The following ENTPD5 variants were observed in gnomAD, a reference collection of about 807,000 sequenced individuals.
ENTPD5 encodes ectonucleoside triphosphate diphosphohydrolase 5 (inactive).
A neutral mutation model predicts 60.2 loss-of-function variants in ENTPD5; 49 were observed. The observed-to-expected ratio is 0.81, with a 90% CI of 0.65 to 1.03. The LOEUF (loss-of-function observed/expected upper bound fraction) is 1.03, where lower values mean the gene tolerates loss of function less well. Ranked by LOEUF, ENTPD5 falls within the 50% of genes least tolerant of loss-of-function variation. The pLI, the probability that ENTPD5 is intolerant of heterozygous loss-of-function variation, is 0.00. For synonymous variants in ENTPD5, 187 were observed against 185.4 expected (o/e 1.01, Z -0.07); for missense variants, 480 against 507.6 (o/e 0.95, Z 0.52).
intron 15 of ENTPD5, among the ~76,000 whole-genome samples, chr14:73,968,941 T>C (rs1424272823): frequency 6.6e-6 from 1 of 152,126 alleles, no homozygotes; most frequent in Non-Finnish European, 1.5e-5. Flanking sequence ...AGACCTAAGA[T>C]TCAAGAGGCA....
At chr14:73,977,165 A>G in intron 7 of ENTPD5, 106 bp from the exon 8 acceptor site, 1 of 1,270,002 alleles carries the variant, frequency 7.9e-7, no homozygotes, top group Admixed American at 1.9e-5. Flanking sequence ...TCTAGAGCAC[A>G]TGTTCCCTTC....
intron 6 of ENTPD5, among the ~76,000 whole-genome samples, chr14:73,980,325 C>T (rs1236641512): frequency 2.6e-5 from 4 of 151,042 alleles, no homozygotes; most frequent in Non-Finnish European, 5.9e-5. Context: ...AGTGCAGTGG[C>T]GTGATCTCGG....
chr14:73,989,614 A>G (rs1304623935), intron 3 of ENTPD5, among the ~76,000 whole-genome samples: 1 of 151,988 alleles, frequency 6.6e-6, no homozygotes, highest in African/African-American at 2.4e-5. Context: ...CAGGCGGATC[A>G]CCTGAGGTCA....
At chr14:73,996,535 G>A (rs1315660433) in intron 3 of ENTPD5, 1 of 151,264 alleles carries the variant, frequency 6.6e-6, no homozygotes, top group Non-Finnish European at 1.5e-5. Context: ...TTAGAAACCT[G>A]GGCATTCACC....
At chr14:73,973,856 C>A in intron 12 of ENTPD5, 21 bp downstream of exon 12, 2 of 1,597,232 alleles carry the variant, frequency 1.3e-6, no homozygotes, top group East Asian at 4.5e-5. Context: ...TAACTTTAAC[C>A]AGTGAAAAAA....
intron 14 of ENTPD5, among the ~76,000 whole-genome samples, chr14:73,970,723 T>C (rs952084645): frequency 1.3e-5 from 2 of 152,216 alleles, no homozygotes; most frequent in African/African-American, 4.8e-5. Flanking sequence ...CCTTATCTAT[T>C]ATTAATGGTG....
At chr14:73,973,164 A>G in intron 12 of ENTPD5, 140 bp from the exon 13 acceptor site, 9 of 1,009,204 alleles carry the variant, frequency 8.9e-6, no homozygotes, top group South Asian at 1.6e-5. Flanking sequence ...TTGGGACAAG[A>G]GGCGTCAAAA....
chr14:73,978,681 C>G (rs372730953), intron 6 of ENTPD5, among the ~76,000 whole-genome samples: 1 of 151,868 alleles, frequency 6.6e-6, no homozygotes, highest in African/African-American at 2.4e-5. Flanking sequence ...AGCCAAAGTG[C>G]GGGCGGATCA....
Position 73,983,692 on chromosome 14 carries a change from TTA to T in ENTPD5, c.298-533_298-532del, listed in dbSNP as rs200345552. On this transcript the variant is annotated intron_variant, in intron 5 of 15. Transcript: ENST00000334696. ...TAATAAAAAATTATTATTATTATTA[TTA>T]TTTTTTTTGGGACATTCTTGCTCTG... Among the ~76,000 whole-genome samples the T allele has an allele frequency of 9.7e-4, 43 of 44,384 alleles. No homozygotes were observed. The East Asian group carries it at 0.012, about 12-fold the overall frequency. The allele number at this position is 44,384 out of a possible 152,430, so 29.1% of individuals were successfully genotyped here.
chr14:74,017,381 G>A (rs962048988), intron 1 of ENTPD5, among the ~76,000 whole-genome samples: 2 of 148,436 alleles, frequency 1.3e-5, no homozygotes, highest in Non-Finnish European at 3.0e-5. Flanking sequence ...TAAGGTTTAC[G>A]CCAGCCTGAC....
rs768011127 is a variant in ENTPD5, at chr14:73,975,001, T to C, written c.723-16A>G. On this transcript the variant is annotated splice_polypyrimidine_tract_variant and intron_variant, in intron 10 of 15. Transcript: ENST00000334696. ...TCCCAGGTAACTGTAAAATACAGGATTGACTAATTTCATGCTGGTCCTGAA... is the reference window on the plus strand; with the variant it reads ...TCCCAGGTAACTGTAAAATACAGGACTGACTAATTTCATGCTGGTCCTGAA... 9 of 1,598,828 alleles carry C rather than the reference T, an allele frequency of 5.6e-6. No individual in the cohort carries two copies. In the Admixed American group the frequency reaches 1.2e-4, roughly 21 times the overall value.
chr14:73,959,672 C>T (rs145747095), downstream of ENTPD5: 102,135 of 1,411,714 alleles, frequency 0.072, 6,080 homozygotes, highest in South Asian at 0.26. Flanking sequence ...CGGGTTCAAG[C>T]GATTCTCCTG....
chr14:74,007,273 G>A (rs895615554), intron 3 of ENTPD5, among the ~76,000 whole-genome samples: 2 of 152,162 alleles, frequency 1.3e-5, no homozygotes, highest in African/African-American at 4.8e-5. Context: ...TGTAATCCCA[G>A]CACTTTGGGA....
At chr14:73,956,170 A>G, downstream of ENTPD5, 1 of 422,342 alleles carries the variant, frequency 2.4e-6, no homozygotes, top group South Asian at 2.0e-5. Context: ...TAAAAATACA[A>G]AGAAACAATT....
downstream of ENTPD5, chr14:73,955,626 G>T (rs2302118): frequency 4.5e-6 from 6 of 1,346,752 alleles, no homozygotes; most frequent in Non-Finnish European, 6.4e-6. Flanking sequence ...TTCACATTCA[G>T]TCCGAGGAAG....
In ENTPD5 at chr14:73,973,041, C is replaced by T. The variant is rs377087172; in HGVS notation, c.887-17G>A. On this transcript the variant is annotated splice_polypyrimidine_tract_variant and intron_variant, in intron 12 of 15. Transcript: ENST00000334696. ...CCACCTCCCCTGCCAGGCAAAGGTG[C>T]ACAGGGGTAAGGTGAGAACGACGCT... 1.5e-5 allele frequency: 24 copies of T among 1,613,594 alleles called. No homozygotes were observed. The highest frequency in any genetic ancestry group is 5.0e-5 in the Admixed American group (3 of 59,968).
chr14:73,985,848 C>A (rs568320074), intron 5 of ENTPD5, among the ~76,000 whole-genome samples: 3 of 151,800 alleles, frequency 2.0e-5, no homozygotes, highest in Non-Finnish European at 4.4e-5. Context: ...CTGACATGGG[C>A]GGATCACAAG....
At position 73,987,964 on chromosome 14, in the gene ENTPD5, T is replaced by C. The variant is rs1355974211; in HGVS notation, c.139A>G (p.Thr47Ala). 1 of 1,614,136 alleles carries C rather than the reference T, an allele frequency of 6.2e-7. No individual in the cohort carries two copies. The highest frequency in any genetic ancestry group is 2.2e-5 in the East Asian group (1 of 44,880). The change falls in exon 4 of 16, where the codon ACC becomes GCC. Residue 47 changes from threonine (T) to alanine (A), a missense_variant. Coordinates refer to ENST00000334696, the MANE Select transcript of ENTPD5 (RefSeq NM_001249.5). ...GCATCAAACATAATTCCATACAAGG[T>C]GCTGGCGCTGACATTGATGGGGCAC... Reference protein sequence around the residue: ...SMCPINVSASTLYGIMFDAGS... With the variant: ...SMCPINVSASALYGIMFDAGS...
At chr14:74,003,708 TG>T (rs2058579517) in intron 3 of ENTPD5, among the ~76,000 whole-genome samples, 1 of 152,098 alleles carries the variant, frequency 6.6e-6, no homozygotes, top group Non-Finnish European at 1.5e-5. Flanking sequence ...GGACTATTTC[TG>T]TGTTTACTTG....
Sources: allele counts gnomAD v4.1 joint callset (sites outside exome capture counted in the v4.1 genomes callset), GRCh38; gene constraint gnomAD v4.1.1; transcripts MANE v1.5; gene names NCBI Gene and HGNC (gene_info 2026-07-23, HGNC 2026-07-21).